MRTFB: variants seen among roughly 807,000 people sequenced by gnomAD.
The protein encoded by MRTFB is myocardin-related transcription factor B.
Under a neutral mutation model 104.2 loss-of-function variants are expected in MRTFB, and 29 were observed. That is an observed-to-expected ratio of 0.28 (90% CI 0.21 to 0.38). The LOEUF is 0.38. MRTFB is among the 10% of genes least tolerant of loss of function. The pLI is 1.00. For missense variants in MRTFB, 1,270 were observed against 1,341.6 expected (o/e 0.95, Z 0.83); for synonymous variants, 535 against 519.5 (o/e 1.03, Z -0.41).
chr16:14,240,755 T>C (rs1427675054), intron 10 of MRTFB: 1 of 771,372 alleles, frequency 1.3e-6, no homozygotes, highest in East Asian at 2.4e-5. Context: ...TGCCTATTAT[T>C]AGAACACCAA....
intron 1 of MRTFB, among the ~76,000 whole-genome samples, chr16:14,071,858 A>T (rs762770): frequency 6.6e-6 from 1 of 152,034 alleles, no homozygotes; most frequent in Non-Finnish European, 1.5e-5. Flanking sequence ...GGTCCCGACC[A>T]GGCTTCAGAG....
intron 8 of MRTFB, among the ~76,000 whole-genome samples, chr16:14,224,160 A>G (rs1399044917): frequency 1.3e-5 from 2 of 152,176 alleles, no homozygotes; most frequent in Non-Finnish European, 2.9e-5. Context: ...CTCATTCACT[A>G]TCATGAGAAC....
chr16:14,119,609 T>C (rs1361099322), intron 2 of MRTFB, among the ~76,000 whole-genome samples: 2 of 152,186 alleles, frequency 1.3e-5, no homozygotes, highest in Non-Finnish European at 2.9e-5. Flanking sequence ...GGACTTCAGA[T>C]AATTTTTTTG....
At chr16:14,112,793 G>A (rs1225597344) in intron 2 of MRTFB, among the ~76,000 whole-genome samples, 1 of 152,124 alleles carries the variant, frequency 6.6e-6, no homozygotes, top group Non-Finnish European at 1.5e-5. Flanking sequence ...TATCTTTATA[G>A]CTTATTCCCT....
chr16:14,221,732 T>C (rs776963454), intron 8 of MRTFB, among the ~76,000 whole-genome samples: 6 of 151,970 alleles, frequency 3.9e-5, no homozygotes, highest in Non-Finnish European at 5.9e-5. Context: ...AGTCCTCGAA[T>C]TGGCTGTAGT....
rs148290578 is a variant in MRTFB at position 14,116,364 on chromosome 16, C to T, written c.-63-24180C>T. 5.2e-3 allele frequency among the ~76,000 whole-genome samples: 793 copies of T among 152,218 alleles called. 7 individuals are homozygous for T. The highest frequency in any genetic ancestry group is 0.018 in the African/African-American group (742 of 41,526). ...CCTAGTTCTAGATTAAGTACCCTAC[C>T]GTTGTGTTTGGGCAATGTCTTATGC... On this transcript the variant is annotated intron_variant, in intron 2 of 16. Coordinates refer to ENST00000571589, the MANE Select transcript of MRTFB (RefSeq NM_001308142.2).
intron 2 of MRTFB, among the ~76,000 whole-genome samples, chr16:14,091,639 A>G (rs1333330350): frequency 6.6e-6 from 1 of 151,992 alleles, no homozygotes; most frequent in African/African-American, 2.4e-5. Flanking sequence ...GTGCACGTCC[A>G]CTCTAGGCAT....
intron 2 of MRTFB, among the ~76,000 whole-genome samples, chr16:14,137,309 C>T (rs2037770407): frequency 6.6e-6 from 1 of 151,990 alleles, no homozygotes; most frequent in Non-Finnish European, 1.5e-5. Flanking sequence ...ATAAAGATTT[C>T]CTTAGCTTAT....
intron 13 of MRTFB, among the ~76,000 whole-genome samples, chr16:14,251,172 T>G (rs556595863): frequency 6.6e-6 from 1 of 151,882 alleles, no homozygotes; most frequent in Non-Finnish European, 1.5e-5. Context: ...GTCAGGAGAT[T>G]GAGACCATCC....
chr16:14,000,293 G>A, the MRTFB span, among the ~76,000 whole-genome samples: 35 of 152,384 alleles, frequency 2.3e-4, 1 homozygote, highest in Non-Finnish European at 1.0e-4. Flanking sequence ...CCCGGCGGGG[G>A]AGGAGGACGC....
chr16:14,110,365 A>G (rs8060542), intron 2 of MRTFB, among the ~76,000 whole-genome samples: 9,765 of 152,280 alleles, frequency 0.064, 560 homozygotes, highest in East Asian at 0.29. Flanking sequence ...AATGGATCCT[A>G]TAAGAGGCGG....
chr16:14,216,394 G>GA (rs1271986351), intron 6 of MRTFB, among the ~76,000 whole-genome samples: 3 of 152,008 alleles, frequency 2.0e-5, no homozygotes, highest in African/African-American at 4.8e-5. Context: ...TAGAACAATG[G>GA]AAAAAACATT....
the MRTFB span, among the ~76,000 whole-genome samples, chr16:13,996,608 G>C: frequency 6.6e-6 from 1 of 152,230 alleles, no homozygotes; most frequent in Non-Finnish European, 1.5e-5. Flanking sequence ...CCCTTGAGTA[G>C]TTTGGAGTCC....
chr16:14,251,376 C>CAAAAA (rs776143724), intron 13 of MRTFB, among the ~76,000 whole-genome samples: 6 of 44,660 alleles, frequency 1.3e-4, no homozygotes, highest in African/African-American at 3.1e-4. Context: ...GACTCCGTCT[C>CAAAAA]AAAAAAAAAA....
chr16:14,081,819 AG>A (rs1460311680), intron 2 of MRTFB, among the ~76,000 whole-genome samples: 2 of 138,532 alleles, frequency 1.4e-5, no homozygotes, highest in Non-Finnish European at 3.1e-5. Flanking sequence ...GGGCTCAAGC[AG>A]TCCACCCGCC....
chr16:14,246,337 A>T (rs896276420), intron 11 of MRTFB, 136 bp from the exon 12 acceptor site: 34 of 788,394 alleles, frequency 4.3e-5, no homozygotes, highest in Non-Finnish European at 6.6e-5. Context: ...CTTAAATATA[A>T]AACCAGTTCT....
the MRTFB span, among the ~76,000 whole-genome samples, chr16:14,039,335 G>A: frequency 5.3e-5 from 8 of 152,124 alleles, no homozygotes; most frequent in African/African-American, 1.9e-4. Context: ...AAGGTGTGAT[G>A]TCTTTTATGT....
intron 2 of MRTFB, among the ~76,000 whole-genome samples, chr16:14,093,583 T>C (rs572154802): frequency 2.0e-5 from 3 of 152,334 alleles, no homozygotes; most frequent in South Asian, 2.1e-4. Context: ...ATATAGATAC[T>C]ATGATCATTT....
intron 2 of MRTFB, among the ~76,000 whole-genome samples, chr16:14,088,422 T>A (rs1019963342): frequency 6.6e-6 from 1 of 152,212 alleles, no homozygotes; most frequent in Non-Finnish European, 1.5e-5. Flanking sequence ...TACGGATCTC[T>A]CTGGCTCCAA....
Sources: gnomAD v4.1 joint callset for allele counts (sites outside exome capture counted in the v4.1 genomes callset) on GRCh38, gnomAD v4.1.1 for gene constraint, MANE v1.5 for transcripts, NCBI Gene and HGNC (gene_info 2026-07-23, HGNC 2026-07-21) for gene names.